Variants in ZSCAN25 observed in about 807,000 individuals in gnomAD.
The protein encoded by ZSCAN25 is zinc finger and SCAN domain-containing protein 25.
Under a neutral mutation model 38.7 loss-of-function variants are expected in ZSCAN25, and 27 were observed. That is an observed-to-expected ratio of 0.70 (90% CI 0.51 to 0.96). The LOEUF is 0.96. Ranked by LOEUF, ZSCAN25 falls within the 40% of genes least tolerant of loss-of-function variation. ZSCAN25 has a pLI of 0.00. For synonymous variants in ZSCAN25, 273 were observed against 277.7 expected, an observed-to-expected ratio of 0.98 and a Z score of 0.17; for missense variants, 637 against 705.9, an observed-to-expected ratio of 0.90 and a Z score of 1.11.
the ZSCAN25 span, among the ~76,000 whole-genome samples, chr7:99,658,163 T>C: frequency 6.6e-6 from 1 of 152,206 alleles, no homozygotes; most frequent in Non-Finnish European, 1.5e-5. Flanking sequence ...GTTGATGCAG[T>C]TTCTCCTTAG....
the ZSCAN25 span, among the ~76,000 whole-genome samples, chr7:99,722,745 T>C: frequency 6.6e-6 from 1 of 152,202 alleles, no homozygotes; most frequent in African/African-American, 2.4e-5. Flanking sequence ...GAACGTGCAG[T>C]CTTTTTTCTC....
chr7:99,644,072 T>C, the ZSCAN25 span, among the ~76,000 whole-genome samples: 1 of 152,078 alleles, frequency 6.6e-6, no homozygotes, highest in Non-Finnish European at 1.5e-5. Context: ...CTCTTGGAGA[T>C]GGTCATCAGT....
the ZSCAN25 span, chr7:99,722,302 A>G: frequency 6.1e-3 from 9,890 of 1,613,560 alleles, 47 homozygotes; most frequent in Non-Finnish European, 7.4e-3. Flanking sequence ...TCACCCCCAG[A>G]CTTTTCTATA....
chr7:99,657,451 T>C, the ZSCAN25 span, among the ~76,000 whole-genome samples: 2 of 152,194 alleles, frequency 1.3e-5, no homozygotes, highest in Non-Finnish European at 2.9e-5. Flanking sequence ...TGAGAGACAG[T>C]TTGTTATAAT....
At chr7:99,666,612 G>A in the ZSCAN25 span, 1 of 1,613,770 alleles carries the variant, frequency 6.2e-7, no homozygotes, top group Non-Finnish European at 8.5e-7. Context: ...CTTTCAAGGT[G>A]ACAGGCTTGC....
the ZSCAN25 span, chr7:99,679,984 T>G: frequency 8.8e-7 from 1 of 1,134,774 alleles, no homozygotes; most frequent in Non-Finnish European, 1.3e-6. Flanking sequence ...GGAGCTTCCC[T>G]GCCCTGCACA....
the ZSCAN25 span, among the ~76,000 whole-genome samples, chr7:99,712,550 A>T: frequency 1.3e-5 from 2 of 152,334 alleles, no homozygotes; most frequent in South Asian, 4.1e-4. Flanking sequence ...ACACTAAAAC[A>T]GTAGGCTATT....
the ZSCAN25 span, among the ~76,000 whole-genome samples, chr7:99,692,730 T>C: frequency 6.6e-6 from 1 of 152,360 alleles, no homozygotes; most frequent in South Asian, 2.1e-4. Context: ...TCTTGTACCA[T>C]GGTTTTGAGC....
the ZSCAN25 span, among the ~76,000 whole-genome samples, chr7:99,711,671 G>A: frequency 6.6e-6 from 1 of 152,172 alleles, no homozygotes; most frequent in Non-Finnish European, 1.5e-5. Context: ...GGGAGGCTGA[G>A]GCAGAATAAT....
the ZSCAN25 span, chr7:99,671,651 A>C: frequency 1.7e-6 from 1 of 583,234 alleles, no homozygotes; most frequent in Admixed American, 3.1e-5. Flanking sequence ...AGAAAAAGCA[A>C]TGTAGGAAGG....
At chr7:99,624,249 TA>T in intron 7 of ZSCAN25, 69 bp downstream of exon 7, 1 of 1,602,764 alleles carries the variant, frequency 6.2e-7, no homozygotes, top group Admixed American at 1.7e-5. Context: ...GGTCCTGCCG[TA>T]GCTCTGGCGC....
chr7:99,628,471 A>G (rs949797186), intron 7 of ZSCAN25, among the ~76,000 whole-genome samples: 4 of 152,184 alleles, frequency 2.6e-5, no homozygotes, highest in Non-Finnish European at 5.9e-5. Flanking sequence ...TATAAGAAGG[A>G]TCAGAGTGAG....
At chr7:99,654,500 G>C in the ZSCAN25 span, among the ~76,000 whole-genome samples, 1 of 152,158 alleles carries the variant, frequency 6.6e-6, no homozygotes, top group African/African-American at 2.4e-5. Flanking sequence ...ATTTGGGTTG[G>C]TTCCAAGTCT....
the ZSCAN25 span, among the ~76,000 whole-genome samples, chr7:99,686,845 A>G: frequency 3.3e-5 from 5 of 152,088 alleles, no homozygotes; most frequent in Admixed American, 1.3e-4. Context: ...CAGCATTTGC[A>G]GGTCACCAAT....
At chr7:99,716,661 C>T in the ZSCAN25 span, among the ~76,000 whole-genome samples, 3 of 152,038 alleles carry the variant, frequency 2.0e-5, no homozygotes, top group African/African-American at 4.8e-5. Context: ...CCACCTATAG[C>T]GTTTTTACCA....
At chr7:99,670,902 T>C in the ZSCAN25 span, 2 of 152,238 alleles carry the variant, frequency 1.3e-5, no homozygotes, top group African/African-American at 4.8e-5. Context: ...TAGTTTTATG[T>C]TGTTCTCTTT....
chr7:99,666,816 C>T, the ZSCAN25 span: 4 of 1,581,638 alleles, frequency 2.5e-6, no homozygotes, highest in South Asian at 3.5e-5. Flanking sequence ...CTTTTCTGTA[C>T]ATAAAGATAA....
chr7:99,648,399 A>G, the ZSCAN25 span: 8 of 1,609,782 alleles, frequency 5.0e-6, no homozygotes, highest in Admixed American at 3.3e-5. Flanking sequence ...TTTCAAGGGG[A>G]TCTACAATAG....
the ZSCAN25 span, among the ~76,000 whole-genome samples, chr7:99,718,797 C>T: frequency 1.3e-5 from 2 of 152,148 alleles, no homozygotes; most frequent in African/African-American, 2.4e-5. Context: ...ACTAAGTCAG[C>T]TCGGCAAGGT....
Sources: gnomAD v4.1 joint callset for allele counts (sites outside exome capture counted in the v4.1 genomes callset) on GRCh38, gnomAD v4.1.1 for gene constraint, MANE v1.5 for transcripts, NCBI Gene and HGNC (gene_info 2026-07-23, HGNC 2026-07-21) for gene names.